MRTO4: variants seen among roughly 807,000 people sequenced by gnomAD.
MRTO4 encodes the protein mRNA turnover protein 4 homolog.
MRTO4 carries 7 observed loss-of-function variants against 28.6 expected under a neutral mutation model. The observed-to-expected ratio is 0.24, with a 90% confidence interval of 0.14 to 0.46. The LOEUF is 0.46. Among genes scored for constraint, MRTO4 ranks in the 20% least tolerant of loss-of-function variants. The pLI, the probability that MRTO4 is intolerant of heterozygous loss-of-function variation, is 0.99. For missense variants in MRTO4, 302 were observed against 298.3 expected, an observed-to-expected ratio of 1.01 and a Z score of -0.09; for synonymous variants, 113 against 108.2, an observed-to-expected ratio of 1.04 and a Z score of -0.27.
intron 4 of MRTO4, 67 bp from the exon 5 acceptor site, chr1:19,257,386 GC>G (rs2093673051): frequency 6.4e-7 from 1 of 1,571,752 alleles, no homozygotes; most frequent in African/African-American, 1.4e-5. Flanking sequence ...TACCCGGTGA[GC>G]AAAAACGTGC....
chr1:19,257,577 G>A lies in MRTO4; in HGVS notation c.341+56G>A, dbSNP rs1160359579. On this transcript the variant is annotated intron_variant, in intron 5 of 7. Coordinates refer to ENST00000330263, the MANE Select transcript of MRTO4 (RefSeq NM_016183.4). ...GGCGGGTGAGAGGGGATTTCAGGGA[G>A]GGAATGATGCAGGAACTTCGTTCCA... 1.9e-6 allele frequency: 3 copies of A among 1,599,172 alleles called. No individual in the cohort carries two copies. In the South Asian group the frequency reaches 3.3e-5, roughly 18 times the overall value.
In MRTO4 at chr1:19,258,586, G is replaced by A. The variant is rs371581456; in HGVS notation, c.570+33G>A. The A allele has an allele frequency of 1.9e-4, 301 of 1,613,822 alleles. No homozygotes were observed. In the Middle Eastern group the frequency reaches 2.6e-3, roughly 14 times the overall value. On this transcript the variant is annotated intron_variant, in intron 7 of 7. Transcript: ENST00000330263. ...TGGCGCCTTGCGGGCTGTTGCGGGCGGGGTTGCTGGCTTTCCTCTGCCTGC... is the reference window on the plus strand; with the variant it reads ...TGGCGCCTTGCGGGCTGTTGCGGGCAGGGTTGCTGGCTTTCCTCTGCCTGC...
chr1:19,252,038 G>A (rs1017739010), intron 1 of MRTO4, 175 bp downstream of exon 1: 31 of 922,476 alleles, frequency 3.4e-5, no homozygotes, highest in Non-Finnish European at 4.6e-5. Flanking sequence ...AACCGCCAGA[G>A]GTGGCTGACG....
intron 3 of MRTO4, among the ~76,000 whole-genome samples, chr1:19,256,675 G>A (rs528372194): frequency 2.0e-5 from 3 of 152,332 alleles, no homozygotes; most frequent in African/African-American, 4.8e-5. Context: ...GGGACACTGC[G>A]ACACAGACAG....
intron 1 of MRTO4, among the ~76,000 whole-genome samples, chr1:19,253,321 C>T (rs1403239542): frequency 6.6e-6 from 1 of 152,150 alleles, no homozygotes; most frequent in Admixed American, 6.6e-5. Context: ...AGTGAAAAGG[C>T]TCTGAAATGG....
intron 6 of MRTO4, 62 bp downstream of exon 6, chr1:19,258,046 C>T (rs892624550): frequency 3.8e-6 from 6 of 1,567,432 alleles, no homozygotes; most frequent in South Asian, 1.2e-5. Flanking sequence ...GGCCTGCAAG[C>T]TCATCCCTTT....
Position 19,255,875 on chromosome 1 carries a change from T to C in MRTO4, c.88-73T>C, listed in dbSNP as rs2093670670. On this transcript the variant is annotated intron_variant, in intron 2 of 7. Coordinates refer to ENST00000330263, the MANE Select transcript of MRTO4 (RefSeq NM_016183.4). ...TGTCAGGGGCCCAGAGCAGATTCATTCTCATCTGAGGCCAGAGTAGTGCCC... is the reference window on the plus strand; with the variant it reads ...TGTCAGGGGCCCAGAGCAGATTCATCCTCATCTGAGGCCAGAGTAGTGCCC... 3 of 1,295,706 alleles carry C rather than the reference T, an allele frequency of 2.3e-6. No homozygotes were observed. In the South Asian group the frequency reaches 3.6e-5, roughly 16 times the overall value. The allele number at this position is 1,295,706 out of a possible 1,614,324, so 80.3% of individuals were successfully genotyped here.
At chr1:19,254,320 C>T (rs2093668389) in intron 1 of MRTO4, among the ~76,000 whole-genome samples, 1 of 152,036 alleles carries the variant, frequency 6.6e-6, no homozygotes, top group Non-Finnish European at 1.5e-5. Context: ...TTGCCTGAGC[C>T]TAGGAGCTCA....
intron 3 of MRTO4, among the ~76,000 whole-genome samples, chr1:19,256,487 G>T (rs2093671663): frequency 6.8e-6 from 1 of 146,110 alleles, no homozygotes; most frequent in African/African-American, 2.8e-5. Flanking sequence ...TCGCACTCCA[G>T]CCTGGGTGAC....
chr1:19,252,378 C>A, intron 1 of MRTO4: 1 of 164,168 alleles, frequency 6.1e-6, no homozygotes, highest in Non-Finnish European at 1.3e-5. Flanking sequence ...CGCTCTGTTG[C>A]CCAGGCTGGA....
At position 19,259,106 on chromosome 1, in the gene MRTO4, G is replaced by GA. The variant is rs1329687559; in HGVS notation, c.*285dup. ...TGAAACCCCGTCTCTACTAAAAATA[G>GA]AAAAAAAAACTAGTTGGGCATAGTG... is the stretch of plus-strand genomic sequence containing the variant. On this transcript the variant is annotated 3_prime_UTR_variant, in exon 8 of 8. Transcript: ENST00000330263. 494 of 257,920 alleles carry GA rather than the reference G, an allele frequency of 1.9e-3. 1 individual carries two copies. The highest frequency in any genetic ancestry group is 4.1e-3 in the Middle Eastern group (3 of 732). The allele number at this position is 257,920 out of a possible 1,614,324, so 16.0% of individuals were successfully genotyped here.
Position 19,258,964 on chromosome 1 carries a change from T to C in MRTO4, c.*134T>C. 1 of 1,157,186 alleles carries C rather than the reference T, an allele frequency of 8.6e-7. No homozygotes were observed. Among genetic ancestry groups the C allele is most frequent in the Non-Finnish European group, 1.2e-6 (1 of 845,082 alleles). The allele number at this position is 1,157,186 out of a possible 1,614,324, so 71.7% of individuals were successfully genotyped here. A position where few individuals can be genotyped will look rare whatever the true frequency, so the allele number is the denominator to read the frequency against. On this transcript the variant is annotated 3_prime_UTR_variant, in exon 8 of 8. Transcript: ENST00000330263. The stretch of plus-strand genomic sequence containing the variant: ...GAACATGATGGGCACTGACCTCCTG[T>C]AAAGAATAAAACTGTGGGCCGGGCG...
chr1:19,252,044 T>A, intron 1 of MRTO4, 181 bp downstream of exon 1: 2 of 885,140 alleles, frequency 2.3e-6, no homozygotes, highest in African/African-American at 3.4e-5. Flanking sequence ...CAGAGGTGGC[T>A]GACGCCCGGT....
In MRTO4 at chr1:19,254,407, CAAAA is replaced by C. The variant is rs561811076; in HGVS notation, c.29-372_29-369del. 3.4e-3 allele frequency among the ~76,000 whole-genome samples: 514 copies of C among 151,640 alleles called. 4 individuals carry two copies. The highest frequency in any genetic ancestry group is 0.012 in the African/African-American group (483 of 41,372). On this transcript the variant is annotated intron_variant, in intron 1 of 7. Coordinates refer to ENST00000330263, the MANE Select transcript of MRTO4 (RefSeq NM_016183.4). ...GTGAGACCCCATGTCAAAAAAAAAA[CAAAA>C]AACAGGGGCCTGCCTCAGCCAGCAG... is the stretch of plus-strand genomic sequence containing the variant.
At chr1:19,257,635 G>C (rs1210209697) in intron 5 of MRTO4, 114 bp downstream of exon 5, 1 of 1,411,838 alleles carries the variant, frequency 7.1e-7, no homozygotes, top group Non-Finnish European at 1.0e-6. Flanking sequence ...GCTCCTGGAA[G>C]CCTGTCACTG....
chr1:19,257,401 G>C, intron 4 of MRTO4, 53 bp from the exon 5 acceptor site: 1 of 1,601,890 alleles, frequency 6.2e-7, no homozygotes, highest in Non-Finnish European at 8.6e-7. Flanking sequence ...AACGTGCCTA[G>C]TAGAGAACCA....
chr1:19,258,349 C>T (rs1213168383), intron 6 of MRTO4, 128 bp from the exon 7 acceptor site: 1 of 1,147,420 alleles, frequency 8.7e-7, no homozygotes, highest in Non-Finnish European at 1.3e-6. Flanking sequence ...GAGACAGCCA[C>T]TGCCCAGTGT....
chr1:19,254,943 GT>G, intron 2 of MRTO4, 103 bp downstream of exon 2: 1 of 996,286 alleles, frequency 1.0e-6, no homozygotes, highest in East Asian at 2.8e-5. Flanking sequence ...GAACATACTA[GT>G]GGGGAAAAAA....
At chr1:19,254,893 G>T in intron 2 of MRTO4, 53 bp downstream of exon 2, 1 of 1,477,026 alleles carries the variant, frequency 6.8e-7, no homozygotes, top group Non-Finnish European at 9.2e-7. Context: ...ATAAAGGTAG[G>T]TATAGGACTG....
Sources: gnomAD v4.1 joint callset for allele counts (sites outside exome capture counted in the v4.1 genomes callset) on GRCh38, gnomAD v4.1.1 for gene constraint, MANE v1.5 for transcripts, NCBI Gene and HGNC (gene_info 2026-07-23, HGNC 2026-07-21) for gene names.